The following PDE4D variants were observed in gnomAD, a reference collection of about 807,000 sequenced individuals.
PDE4D encodes 3',5'-cyclic-AMP phosphodiesterase 4D.
Under a neutral mutation model 87.4 loss-of-function variants are expected in PDE4D, and 24 were observed. The ratio of observed to expected loss-of-function variants is 0.27; its 90% CI spans 0.20 to 0.39. The LOEUF (loss-of-function observed/expected upper bound fraction) is 0.39. PDE4D is among the 10% of genes least tolerant of loss of function. The pLI is 1.00. For missense variants in PDE4D, 714 were observed against 1,041.0 expected, an observed-to-expected ratio of 0.69 and a Z score of 4.32; for synonymous variants, 384 against 383.2, an observed-to-expected ratio of 1.00 and a Z score of -0.02.
intron 1 of PDE4D, among the ~76,000 whole-genome samples, chr5:60,282,059 T>C (rs1751962971): frequency 6.6e-6 from 1 of 151,724 alleles, no homozygotes; most frequent in Non-Finnish European, 1.5e-5. Context: ...TCTATTTCAA[T>C]AGAAATAACA....
intron 5 of PDE4D, among the ~76,000 whole-genome samples, chr5:59,120,708 C>T (rs1774345779): frequency 6.6e-6 from 1 of 151,338 alleles, no homozygotes; most frequent in Admixed American, 6.6e-5. Flanking sequence ...AAAAAAAGCA[C>T]AACTAACCAA....
At chr5:59,184,832 T>C (rs1742516808) in intron 4 of PDE4D, among the ~76,000 whole-genome samples, 1 of 152,136 alleles carries the variant, frequency 6.6e-6, no homozygotes. Context: ...CTTGAGAGGA[T>C]GACTTTCAGC....
At chr5:59,887,477 T>A (rs1750337615) in intron 1 of PDE4D, among the ~76,000 whole-genome samples, 1 of 152,222 alleles carries the variant, frequency 6.6e-6, no homozygotes, top group Non-Finnish European at 1.5e-5. Context: ...GAGCCAGTAC[T>A]AGCAGCATTC....
intron 5 of PDE4D, among the ~76,000 whole-genome samples, chr5:59,053,888 C>T (rs1253431747): frequency 6.6e-6 from 1 of 151,472 alleles, no homozygotes; most frequent in East Asian, 1.9e-4. Flanking sequence ...TGCACTCCAG[C>T]CTCAGGGACA....
At chr5:59,019,522 T>A (rs1199830873) in intron 6 of PDE4D, among the ~76,000 whole-genome samples, 2 of 152,150 alleles carry the variant, frequency 1.3e-5, no homozygotes, top group Non-Finnish European at 2.9e-5. Flanking sequence ...GGTCCTATAA[T>A]CACATCCTCT....
chr5:59,423,065 T>A (rs1032931419), intron 1 of PDE4D, among the ~76,000 whole-genome samples: 1 of 152,218 alleles, frequency 6.6e-6, no homozygotes, highest in African/African-American at 2.4e-5. Flanking sequence ...TTAATTAGCA[T>A]GTAAGAAAAC....
chr5:59,988,811 A>C (rs1762708519), intron 2 of PDE4D: 1 of 638,690 alleles, frequency 1.6e-6, no homozygotes, highest in African/African-American at 1.8e-5. Flanking sequence ...GAAAGAAATT[A>C]AGTAAAATGT....
At position 59,115,625 on chromosome 5, in the gene PDE4D, C is replaced by T. The variant is rs1035523511; in HGVS notation, c.808+64970G>A. Among the ~76,000 whole-genome samples the T allele has an allele frequency of 9.4e-4, 143 of 152,260 alleles. 1 individual carries two copies. The highest frequency in any genetic ancestry group is 3.0e-3 in the African/African-American group (125 of 41,550). On this transcript the variant is annotated intron_variant, in intron 5 of 14. Transcript: ENST00000340635. ...ACATCTATTTTGAGTGCTTAGAGAC[C>T]TCCTTTGCTTCCTTCCTTATGCTGA...
chr5:59,595,142 T>C (rs1235722269), intron 1 of PDE4D, among the ~76,000 whole-genome samples: 1 of 152,226 alleles, frequency 6.6e-6, no homozygotes, highest in Non-Finnish European at 1.5e-5. Context: ...GATGCTAAAA[T>C]TGCTATTTGT....
At chr5:59,446,832 A>G (rs1273355880) in intron 1 of PDE4D, among the ~76,000 whole-genome samples, 1 of 152,220 alleles carries the variant, frequency 6.6e-6, no homozygotes. Context: ...TAAAATAGTA[A>G]AACAAAATGT....
At chr5:60,468,829 C>T (rs890463713) in intron 1 of PDE4D, among the ~76,000 whole-genome samples, 2 of 151,974 alleles carry the variant, frequency 1.3e-5, no homozygotes, top group African/African-American at 2.4e-5. Context: ...TGTGCCCAGC[C>T]TTCCCTCCAA....
At chr5:59,447,606 G>A (rs1047327405) in intron 1 of PDE4D, among the ~76,000 whole-genome samples, 10 of 152,176 alleles carry the variant, frequency 6.6e-5, no homozygotes, top group South Asian at 4.1e-4. Context: ...GTAATTCATC[G>A]GAATGAGGAA....
intron 1 of PDE4D, among the ~76,000 whole-genome samples, chr5:59,583,799 A>C (rs1055560701): frequency 4.6e-5 from 7 of 152,210 alleles, no homozygotes; most frequent in African/African-American, 1.7e-4. Context: ...TAAAATTTGA[A>C]GACTACCCTA....
intron 1 of PDE4D, among the ~76,000 whole-genome samples, chr5:59,315,240 A>G (rs1012035125): frequency 1.6e-4 from 24 of 152,266 alleles, no homozygotes; most frequent in Admixed American, 1.4e-3. Flanking sequence ...AAATTCTGCA[A>G]TACAGGAATA....
intron 1 of PDE4D, among the ~76,000 whole-genome samples, chr5:59,656,228 C>T (rs1237225613): frequency 6.6e-6 from 1 of 152,136 alleles, no homozygotes; most frequent in Non-Finnish European, 1.5e-5. Context: ...ACACACATCA[C>T]ACACAGACTT....
At chr5:59,143,142 A>G (rs1778150832) in intron 5 of PDE4D, among the ~76,000 whole-genome samples, 1 of 136,440 alleles carries the variant, frequency 7.3e-6, no homozygotes, top group East Asian at 2.1e-4. Flanking sequence ...TCCTGCCTCC[A>G]TCCCTTCCTC....
intron 2 of PDE4D, 86 bp from the exon 3 acceptor site, chr5:59,193,622 T>C: frequency 6.4e-7 from 1 of 1,568,946 alleles, no homozygotes. Context: ...AGTTCCACTT[T>C]CATGAGTTCC....
chr5:59,311,315 T>A (rs1435559145), intron 1 of PDE4D, among the ~76,000 whole-genome samples: 1 of 151,372 alleles, frequency 6.6e-6, no homozygotes, highest in Non-Finnish European at 1.5e-5. Context: ...TCACCTGAGT[T>A]CAGGACAAAA....
chr5:59,136,553 T>C (rs1289127153), intron 5 of PDE4D, among the ~76,000 whole-genome samples: 1 of 152,198 alleles, frequency 6.6e-6, no homozygotes, highest in African/African-American at 2.4e-5. Flanking sequence ...CAAATAAGAA[T>C]GATCATTATC....
Sources: allele counts gnomAD v4.1 joint callset (sites outside exome capture counted in the v4.1 genomes callset), GRCh38; gene constraint gnomAD v4.1.1; transcripts MANE v1.5; gene names NCBI Gene and HGNC (gene_info 2026-07-23, HGNC 2026-07-21).